The following ADGRA3 variants were observed in gnomAD, a reference collection of about 807,000 sequenced individuals.
The protein encoded by ADGRA3 is G-protein coupled receptor 125.
A neutral mutation model predicts 119.8 loss-of-function variants in ADGRA3; 56 were observed. The observed-to-expected ratio is 0.47, with a 90% CI of 0.38 to 0.58. ADGRA3 has a LOEUF of 0.58. ADGRA3 is among the 20% of genes least tolerant of loss of function. The pLI, the probability that ADGRA3 is intolerant of heterozygous loss-of-function variation, is 0.00. For missense variants in ADGRA3, 1,516 were observed against 1,649.0 expected (o/e 0.92, Z 1.40); for synonymous variants, 607 against 623.8 (o/e 0.97, Z 0.40).
intron 1 of ADGRA3, among the ~76,000 whole-genome samples, chr4:22,503,813 C>G (rs369474481): frequency 1.1e-4 from 17 of 152,144 alleles, no homozygotes; most frequent in African/African-American, 3.1e-4. Flanking sequence ...GGGGAGAGGG[C>G]AGAGAATGGT....
Position 22,413,284 on chromosome 4 carries a change from G to A in ADGRA3, c.2130C>T (p.Asn710=), listed in dbSNP as rs747575122. The change falls in exon 14 of 19, where the codon AAC becomes AAT. Residue 710 remains asparagine, a synonymous_variant. Coordinates refer to ENST00000334304, the MANE Select transcript of ADGRA3 (RefSeq NM_145290.4). ...VAARWDFDLL[N]GQGGWKSDGC... ...CATCTGACTTCCAGCCTCCTTGTCC[G>A]TTCAGCAAATCGAAATCCCACCGGG... The A allele has an allele frequency of 1.8e-5, 29 of 1,613,832 alleles. No individual in the cohort carries two copies. The highest frequency in any genetic ancestry group is 2.3e-5 in the Non-Finnish European group (27 of 1,179,912).
At chr4:22,390,348 TTATA>T (rs10623892) in intron 17 of ADGRA3, among the ~76,000 whole-genome samples, 1 of 78,946 alleles carries the variant, frequency 1.3e-5, no homozygotes, top group African/African-American at 6.2e-5. Context: ...AAAATACATA[TTATA>T]TATATATAAT....
intron 11 of ADGRA3, among the ~76,000 whole-genome samples, chr4:22,421,750 C>T (rs1715693321): frequency 1.3e-5 from 2 of 151,832 alleles, no homozygotes; most frequent in African/African-American, 4.8e-5. Context: ...CATGGTGGCA[C>T]ACACCTGTAG....
intron 1 of ADGRA3, among the ~76,000 whole-genome samples, chr4:22,485,397 T>G (rs1399241184): frequency 6.6e-6 from 1 of 152,152 alleles, no homozygotes; most frequent in Admixed American, 6.5e-5. Flanking sequence ...ACTTAACTTG[T>G]AAGAACTCCT....
intron 2 of ADGRA3, among the ~76,000 whole-genome samples, chr4:22,469,056 GA>G (rs571310103): frequency 1.3e-5 from 2 of 150,392 alleles, no homozygotes; most frequent in South Asian, 2.1e-4. Flanking sequence ...ATTACCTGGG[GA>G]AAAAAAAAGA....
chr4:22,468,156 T>C (rs564361318), intron 2 of ADGRA3, among the ~76,000 whole-genome samples: 6 of 152,220 alleles, frequency 3.9e-5, no homozygotes, highest in African/African-American at 1.4e-4. Context: ...AGAAATCACC[T>C]CCAACCACAA....
rs774156010 is a variant in ADGRA3, at chr4:22,413,306, C to T, written c.2108G>A (p.Arg703Gln). ...TCCGTTCAGCAAATCGAAATCCCAC[C>T]GGGCTGCAACAGCATCTGCTCCATG... ...IAHGADAVAA[R>Q]WDFDLLNGQG... is the part of the protein sequence containing the mutation. Residue 703 changes from arginine to glutamine, a missense_variant, in exon 14 of 19, where the codon CGG (arginine) becomes CAG (glutamine). By Grantham distance (43) the Arg-to-Gln change is conservative (BLOSUM62 1). Coordinates refer to ENST00000334304, the MANE Select transcript of ADGRA3 (RefSeq NM_145290.4). The T allele has an allele frequency of 7.4e-6, 12 of 1,613,956 alleles. No individual in the cohort carries two copies. The highest frequency in any genetic ancestry group is 5.0e-5 in the Admixed American group (3 of 59,982).
At chr4:22,443,250 T>C (rs1716694456) in intron 6 of ADGRA3, 2 of 491,006 alleles carry the variant, frequency 4.1e-6, no homozygotes, top group Non-Finnish European at 7.1e-6. Flanking sequence ...ACAACACGAG[T>C]TTTTGGCTGT....
intron 3 of ADGRA3, among the ~76,000 whole-genome samples, chr4:22,459,195 T>C (rs1471141617): frequency 2.0e-5 from 3 of 152,126 alleles, no homozygotes; most frequent in African/African-American, 4.8e-5. Flanking sequence ...ATTTTTACAA[T>C]TGGATTTTAC....
chr4:22,475,753 A>T (rs1381059819), intron 1 of ADGRA3, among the ~76,000 whole-genome samples: 3 of 152,064 alleles, frequency 2.0e-5, no homozygotes, highest in Non-Finnish European at 2.9e-5. Context: ...AAATAAAAAA[A>T]AAAGAATGAC....
At chr4:22,446,622 G>A (rs36111920) in intron 5 of ADGRA3, among the ~76,000 whole-genome samples, 6,069 of 152,140 alleles carry the variant, frequency 0.04, 199 homozygotes, top group East Asian at 0.19. Flanking sequence ...ACATCCCAAG[G>A]AAGACTCCTA....
At position 22,444,988 on chromosome 4, in the gene ADGRA3, C is replaced by T. The variant is rs1194184746; in HGVS notation, c.691G>A (p.Glu231Lys). The change falls in exon 6 of 19, where the codon GAG becomes AAG. Residue 231 changes from glutamate (E) to lysine (K), a missense_variant. By Grantham distance (56) the Glu-to-Lys change is moderately conservative. Coordinates refer to ENST00000334304, the MANE Select transcript of ADGRA3 (RefSeq NM_145290.4). ...QAQPVTGVKQ[E>K]LLTCDPPLEL... is the part of the protein sequence containing the mutation. ...TCTCCCTTACCGCATGTCAACAGCT[C>T]CTGCTTCACGCCTGTGACTGGTTGG... The T allele has an allele frequency of 6.2e-7, 1 of 1,613,184 alleles. No homozygotes were observed. The highest frequency in any genetic ancestry group is 2.2e-5 in the East Asian group (1 of 44,870).
intron 1 of ADGRA3, among the ~76,000 whole-genome samples, chr4:22,487,302 G>C (rs1040965906): frequency 6.6e-6 from 1 of 152,180 alleles, no homozygotes; most frequent in Non-Finnish European, 1.5e-5. Flanking sequence ...TTTCACAGAA[G>C]ACAATTTTTC....
In ADGRA3 at chr4:22,515,762, C is replaced by G; in HGVS notation, c.23G>C (p.Arg8Pro). MEPPGRRRGRAQPPLLLP... is the reference protein window; with the variant it reads MEPPGRRPGRAQPPLLLP... Reference sequence around the variant, plus strand: ...CAACAGCGGCGGCTGCGCGCGGCCCCGCCGGCGTCCGGGTGGCTCCATGCT... The same window carrying G: ...CAACAGCGGCGGCTGCGCGCGGCCCGGCCGGCGTCCGGGTGGCTCCATGCT... The change falls in exon 1 of 19, where the codon CGG (arginine) becomes CCG (proline). Residue 8 changes from arginine to proline, a missense_variant. This residue lies in a region of ADGRA3 where 428 missense variants were observed against 541.9 expected (regional missense o/e 0.79). Coordinates refer to ENST00000334304, the MANE Select transcript of ADGRA3 (RefSeq NM_145290.4). 9.8e-7 allele frequency: 1 copy of G among 1,020,740 alleles called. No individual in the cohort carries two copies. The highest frequency in any genetic ancestry group is 1.0e-4 in the East Asian group (1 of 9,824). The allele number at this position is 1,020,740 out of a possible 1,614,324, so 63.2% of individuals were successfully genotyped here.
At chr4:22,401,640 A>G (rs374978312) in intron 15 of ADGRA3, 86 bp from the exon 16 acceptor site, 1 of 950,448 alleles carries the variant, frequency 1.1e-6, no homozygotes, top group Non-Finnish European at 1.5e-6. Context: ...CAACTTCATC[A>G]AAGGTAAAAG....
At chr4:22,499,514 C>T (rs943022333) in intron 1 of ADGRA3, among the ~76,000 whole-genome samples, 3 of 152,160 alleles carry the variant, frequency 2.0e-5, no homozygotes, top group African/African-American at 7.2e-5. Context: ...ATGACAGTTC[C>T]CTGCTCACCT....
intron 1 of ADGRA3, among the ~76,000 whole-genome samples, chr4:22,490,757 C>A (rs568847371): frequency 1.3e-5 from 2 of 152,186 alleles, no homozygotes; most frequent in Admixed American, 6.5e-5. Flanking sequence ...AAAGGGCAGA[C>A]AAAGAAGGGG....
chr4:22,483,982 T>C (rs1278818924), intron 1 of ADGRA3, among the ~76,000 whole-genome samples: 1 of 88,516 alleles, frequency 1.1e-5, no homozygotes, highest in African/African-American at 3.0e-5. Context: ...TGATGCATGA[T>C]TACATTTTTT....
At chr4:22,461,626 G>A (rs1369526117) in intron 3 of ADGRA3, 111 bp downstream of exon 3, 2 of 740,640 alleles carry the variant, frequency 2.7e-6, no homozygotes, top group Non-Finnish European at 4.5e-6. Flanking sequence ...ACCTGGCCAG[G>A]TAAAGCTCAA....
Sources: gnomAD v4.1 joint callset for allele counts (sites outside exome capture counted in the v4.1 genomes callset) on GRCh38, gnomAD v4.1.1 for gene constraint, gnomAD v4.1.1 regional missense constraint, MANE v1.5 for transcripts, NCBI Gene and HGNC (gene_info 2026-07-23, HGNC 2026-07-21) for gene names.